Variants in MAML3 observed in about 807,000 individuals in gnomAD.
MAML3 encodes mastermind like transcriptional coactivator 3.
In MAML3, 27 loss-of-function variants were observed where a neutral mutation model predicts 101.9. The observed-to-expected ratio is 0.27, with a 90% CI of 0.20 to 0.37. MAML3 has a LOEUF of 0.37. MAML3 is among the 10% of genes least tolerant of loss of function. The pLI is 1.00. For synonymous variants in MAML3, 501 were observed against 555.9 expected (o/e 0.90, Z 1.39); for missense variants, 1,316 against 1,444.9 (o/e 0.91, Z 1.45).
chr4:139,747,499 G>C (rs1729364156), intron 2 of MAML3, among the ~76,000 whole-genome samples: 1 of 152,212 alleles, frequency 6.6e-6, no homozygotes, highest in South Asian at 2.1e-4. Flanking sequence ...TTCAAGACCA[G>C]CATGGCCAAC....
chr4:140,039,118 G>T (rs767605236), intron 1 of MAML3, among the ~76,000 whole-genome samples: 1 of 151,724 alleles, frequency 6.6e-6, no homozygotes, highest in African/African-American at 2.4e-5. Context: ...GCAAGACTCC[G>T]TCTAAAAAAA....
At chr4:139,746,659 T>C (rs1578574854) in intron 2 of MAML3, among the ~76,000 whole-genome samples, 1 of 152,294 alleles carries the variant, frequency 6.6e-6, no homozygotes, top group Non-Finnish European at 1.5e-5. Flanking sequence ...AGGAACAAGA[T>C]TCCGCAGACG....
intron 2 of MAML3, chr4:139,740,158 C>T (rs1377274927): frequency 2.0e-5 from 3 of 152,266 alleles, no homozygotes; most frequent in Admixed American, 2.0e-4. Flanking sequence ...TCTACCTGGA[C>T]AAGCCTGCTC....
chr4:139,852,514 G>A (rs1245290941), intron 2 of MAML3, among the ~76,000 whole-genome samples: 2 of 145,212 alleles, frequency 1.4e-5, no homozygotes, highest in African/African-American at 2.6e-5. Flanking sequence ...CCGGGTTCAA[G>A]CGATTCTTCT....
chr4:139,988,765 T>C (rs1734605753), intron 1 of MAML3, among the ~76,000 whole-genome samples: 1 of 152,186 alleles, frequency 6.6e-6, no homozygotes. Flanking sequence ...GCATTTGTTG[T>C]ATGTAAACTT....
intron 1 of MAML3, among the ~76,000 whole-genome samples, chr4:140,015,366 A>G (rs907449935): frequency 6.6e-6 from 1 of 152,242 alleles, no homozygotes; most frequent in African/African-American, 2.4e-5. Flanking sequence ...ATAACTAACT[A>G]GCAAGAACAG....
At chr4:139,721,090 C>A (rs1044341641) in intron 4 of MAML3, among the ~76,000 whole-genome samples, 2 of 152,238 alleles carry the variant, frequency 1.3e-5, no homozygotes, top group Admixed American at 6.5e-5. Context: ...TGCGACTTGG[C>A]CATAAACTTT....
At chr4:139,837,846 G>A (rs1029041779) in intron 2 of MAML3, among the ~76,000 whole-genome samples, 5 of 151,908 alleles carry the variant, frequency 3.3e-5, no homozygotes, top group Non-Finnish European at 1.5e-5. Flanking sequence ...CTTGAACCTG[G>A]GAGTTGGAGT....
chr4:140,006,693 ATC>A (rs1273592111), intron 1 of MAML3, among the ~76,000 whole-genome samples: 1 of 152,204 alleles, frequency 6.6e-6, no homozygotes, highest in Non-Finnish European at 1.5e-5. Flanking sequence ...ACTGAAATAC[ATC>A]TGTTGACCTC....
intron 1 of MAML3, among the ~76,000 whole-genome samples, chr4:139,951,229 C>T (rs1157832712): frequency 1.3e-5 from 2 of 152,234 alleles, no homozygotes; most frequent in Non-Finnish European, 2.9e-5. Context: ...AGAACATCCA[C>T]CATTGCCCAA....
chr4:139,750,064 G>A (rs1376257825), intron 2 of MAML3, among the ~76,000 whole-genome samples: 1 of 152,128 alleles, frequency 6.6e-6, no homozygotes, highest in African/African-American at 2.4e-5. Flanking sequence ...GCCAAACACA[G>A]CCGTGAAACA....
chr4:140,112,817 A>G (rs530860909), intron 1 of MAML3, among the ~76,000 whole-genome samples: 48 of 152,332 alleles, frequency 3.2e-4, no homozygotes, highest in African/African-American at 1.1e-3. Flanking sequence ...TCCATTTTAC[A>G]TATATAATTG....
At chr4:140,113,024 T>C (rs1277633802) in intron 1 of MAML3, among the ~76,000 whole-genome samples, 3 of 152,216 alleles carry the variant, frequency 2.0e-5, no homozygotes, top group Non-Finnish European at 4.4e-5. Context: ...CTCATGCCTG[T>C]AATCCCAGCA....
chr4:140,076,673 TG>T (rs1252336384), intron 1 of MAML3, among the ~76,000 whole-genome samples: 2 of 152,196 alleles, frequency 1.3e-5, no homozygotes, highest in Non-Finnish European at 2.9e-5. Context: ...CTTTAACACA[TG>T]GGCCTTTGTG....
At chr4:140,124,487 C>T (rs1011676992) in intron 1 of MAML3, among the ~76,000 whole-genome samples, 9 of 152,126 alleles carry the variant, frequency 5.9e-5, no homozygotes, top group Non-Finnish European at 4.4e-5. Context: ...CAAGTTTTCT[C>T]GTAATTTGGG....
At chr4:140,115,252 A>G (rs1728499768) in intron 1 of MAML3, among the ~76,000 whole-genome samples, 1 of 152,230 alleles carries the variant, frequency 6.6e-6, no homozygotes, top group Non-Finnish European at 1.5e-5. Flanking sequence ...TCATAACAAT[A>G]CATTTTATTT....
At chr4:139,723,822 G>C (rs1039111132) in intron 4 of MAML3, among the ~76,000 whole-genome samples, 1 of 152,158 alleles carries the variant, frequency 6.6e-6, no homozygotes, top group South Asian at 2.1e-4. Context: ...GCTCTCAAGC[G>C]TGGTTCCCTA....
chr4:139,900,059 G>C (rs759244357), intron 1 of MAML3, among the ~76,000 whole-genome samples: 2 of 46,242 alleles, frequency 4.3e-5, no homozygotes, highest in African/African-American at 1.1e-4. Flanking sequence ...GCACCGCGGA[G>C]CCCCCAGCCC....
At position 139,889,401 on chromosome 4, in the gene MAML3, T is replaced by G. The variant is rs1450964751; in HGVS notation, c.2035A>C (p.Met679Leu). The change falls in exon 2 of 5, where the codon ATG becomes CTG. Residue 679 changes from methionine (M) to leucine (L), a missense_variant. By Grantham distance (15) the Met-to-Leu change is conservative. Transcript: ENST00000509479. ...RLLLMKQKGVMNQPMAYAALP... is the reference protein window; with the variant it reads ...RLLLMKQKGVLNQPMAYAALP... ...GCAGCGTAAGCCATGGGCTGATTCATCACTCCTTTCTGCTTCATGAGAAGC... is the reference window on the plus strand; with the variant it reads ...GCAGCGTAAGCCATGGGCTGATTCAGCACTCCTTTCTGCTTCATGAGAAGC... The G allele has an allele frequency of 1.2e-6, 2 of 1,614,076 alleles. No individual in the cohort carries two copies. Among genetic ancestry groups the G allele is most frequent in the Admixed American group, 3.3e-5 (2 of 60,036 alleles).
Sources: gnomAD v4.1 joint callset for allele counts (sites outside exome capture counted in the v4.1 genomes callset) on GRCh38, gnomAD v4.1.1 for gene constraint, MANE v1.5 for transcripts, NCBI Gene and HGNC (gene_info 2026-07-23, HGNC 2026-07-21) for gene names.